The following OR52E5 variants were observed in gnomAD, a reference collection of about 807,000 sequenced individuals.
OR52E5 encodes olfactory receptor 52E5.
intron 2 of OR52E5, 120 bp from the exon 3 acceptor site, chr11:5,900,512 G>A: frequency 3.2e-6 from 1 of 310,400 alleles, no homozygotes. Flanking sequence ...AGGGAGGAAA[G>A]ACATGGGAAG....
At chr11:5,899,524 T>G (rs1241173894) in intron 2 of OR52E5, among the ~76,000 whole-genome samples, 1 of 152,198 alleles carries the variant, frequency 6.6e-6, no homozygotes, top group Non-Finnish European at 1.5e-5. Flanking sequence ...GGATAGTTTT[T>G]CTTTAGGATT....
rs559329315 is a variant in OR52E5, at chr11:5,901,055, G to T, written c.279G>T (p.Glu93Asp). ...GAATTTTCTGGTTTAATCTTGGAGA[G>T]ATTGCATTTGGTGCCTGCATCACAC... ...MLGIFWFNLGEIAFGACITQM... is the reference protein window; with the variant it reads ...MLGIFWFNLGDIAFGACITQM... The change falls in exon 3 of 3, where the codon GAG (glutamate) becomes GAT (aspartate). Residue 93 changes from glutamate to aspartate, a missense_variant. By Grantham distance (45) the Glu-to-Asp change is conservative. Transcript: ENST00000610445. The T allele has an allele frequency of 1.5e-5, 6 of 401,832 alleles. No individual in the cohort carries two copies. The highest frequency in any genetic ancestry group is 1.0e-4 in the African/African-American group (5 of 48,822). The allele number at this position is 401,832 out of a possible 1,614,324, so 24.9% of individuals were successfully genotyped here. A position where few individuals can be genotyped will look rare whatever the true frequency, so the allele number is the denominator to read the frequency against.
At chr11:5,894,383 A>C (rs770361004) in intron 1 of OR52E5, among the ~76,000 whole-genome samples, 3 of 152,178 alleles carry the variant, frequency 2.0e-5, no homozygotes, top group Non-Finnish European at 2.9e-5. Context: ...CTCATTTTGA[A>C]AACCGCTGAT....
chr11:5,897,522 A>G (rs1294475885), intron 2 of OR52E5, among the ~76,000 whole-genome samples: 1 of 152,164 alleles, frequency 6.6e-6, no homozygotes, highest in Non-Finnish European at 1.5e-5. Flanking sequence ...TATTTACCCA[A>G]TCTACCACTG....
At chr11:5,899,732 A>G (rs1847222983) in intron 2 of OR52E5, among the ~76,000 whole-genome samples, 1 of 152,098 alleles carries the variant, frequency 6.6e-6, no homozygotes. Context: ...ATTTGCACAC[A>G]CCCAAGCACC....
chr11:5,897,871 GTTCATTTT>G (rs1021657425), intron 2 of OR52E5, among the ~76,000 whole-genome samples: 2 of 151,868 alleles, frequency 1.3e-5, no homozygotes, highest in African/African-American at 4.8e-5. Flanking sequence ...TTGTCTGCTT[GTTCATTTT>G]TGAGCCAGAG....
intron 2 of OR52E5, among the ~76,000 whole-genome samples, chr11:5,898,729 T>C (rs942376674): frequency 6.6e-6 from 1 of 152,210 alleles, no homozygotes; most frequent in Non-Finnish European, 1.5e-5. Context: ...TTGTTGACTT[T>C]ACCAAAGATC....
intron 2 of OR52E5, among the ~76,000 whole-genome samples, chr11:5,896,245 CTAAAAAAAA>C (rs1188367197): frequency 1.3e-4 from 1 of 7,702 alleles, no homozygotes; most frequent in Non-Finnish European, 2.6e-4. Context: ...CTCGTCTCTA[CTAAAAAAAA>C]AAAAAAAAAA....
chr11:5,896,346 G>A (rs1482678859), intron 2 of OR52E5, among the ~76,000 whole-genome samples: 9 of 144,908 alleles, frequency 6.2e-5, no homozygotes, highest in Non-Finnish European at 1.0e-4. Context: ...GCGTGAACCC[G>A]AGAGGTGGAG....
chr11:5,894,493 T>C (rs888429857), intron 1 of OR52E5, among the ~76,000 whole-genome samples: 1 of 152,168 alleles, frequency 6.6e-6, no homozygotes, highest in African/African-American at 2.4e-5. Flanking sequence ...ATGTAGATTG[T>C]ATGTTAATAA....
chr11:5,898,275 C>T (rs566298579), intron 2 of OR52E5, among the ~76,000 whole-genome samples: 49 of 152,142 alleles, frequency 3.2e-4, no homozygotes, highest in South Asian at 1.2e-3. Flanking sequence ...CCTTTGCCCA[C>T]GTTTTAATTG....
chr11:5,901,864 C>G lies in OR52E5; in HGVS notation c.*104C>G. 2.5e-6 allele frequency: 1 copy of G among 399,164 alleles called. No homozygotes were observed. The highest frequency in any genetic ancestry group is 4.4e-6 in the Non-Finnish European group (1 of 225,606). 24.7% of individuals were successfully genotyped at this position (399,164 alleles called of 1,614,324 possible). A position where few individuals can be genotyped will look rare whatever the true frequency, so the allele number is the denominator to read the frequency against. ...TATCCCCTACAACGTCTCATGATTT[C>G]AGTACGGTCTGTTGGAAGTTATAGC... On this transcript the variant is annotated 3_prime_UTR_variant, in exon 3 of 3. Coordinates refer to ENST00000610445, the MANE Select transcript of OR52E5 (RefSeq NM_001005166.5).
intron 2 of OR52E5, among the ~76,000 whole-genome samples, chr11:5,899,102 C>A (rs1376829867): frequency 6.6e-6 from 1 of 152,022 alleles, no homozygotes; most frequent in African/African-American, 2.4e-5. Flanking sequence ...TCTGTGATTT[C>A]TTTCATTGGT....
chr11:5,900,126 A>T (rs534131129), intron 2 of OR52E5, among the ~76,000 whole-genome samples: 2 of 152,214 alleles, frequency 1.3e-5, no homozygotes, highest in South Asian at 4.1e-4. Context: ...GAAAGAAAAC[A>T]TAATATAGTG....
chr11:5,893,995 A>T (rs182920731), intron 1 of OR52E5, among the ~76,000 whole-genome samples: 70 of 152,266 alleles, frequency 4.6e-4, no homozygotes, highest in African/African-American at 1.6e-3. Flanking sequence ...GCCTTTCTCA[A>T]AAATCTTTCT....
intron 2 of OR52E5, among the ~76,000 whole-genome samples, chr11:5,898,910 C>G (rs1376190020): frequency 6.7e-6 from 1 of 149,476 alleles, no homozygotes; most frequent in Non-Finnish European, 1.5e-5. Context: ...TAGGATTGCT[C>G]TGTCTATTTG....
In OR52E5 at chr11:5,900,716, T is replaced by C; in HGVS notation, c.-61T>C. On this transcript the variant is annotated 5_prime_UTR_variant, in exon 3 of 3. Coordinates refer to ENST00000610445, the MANE Select transcript of OR52E5 (RefSeq NM_001005166.5). ...CACCATGCTGTGAAAGAAGTTATGG[T>C]TTCTCACTGGAAGCAAGAAAACTCA... 1 of 398,686 alleles carries C rather than the reference T, an allele frequency of 2.5e-6. No individual in the cohort carries two copies. The allele number at this position is 398,686 out of a possible 1,614,324, so 24.7% of individuals were successfully genotyped here.
chr11:5,899,004 T>C (rs1282760421), intron 2 of OR52E5, among the ~76,000 whole-genome samples: 2 of 152,212 alleles, frequency 1.3e-5, no homozygotes, highest in Admixed American at 6.5e-5. Context: ...AGGAATTTCA[T>C]AGAATCTGTA....
intron 2 of OR52E5, among the ~76,000 whole-genome samples, chr11:5,896,459 T>A (rs1213868434): frequency 6.6e-6 from 1 of 151,180 alleles, no homozygotes; most frequent in East Asian, 1.9e-4. Flanking sequence ...AGAAAAAATT[T>A]GAATGAAAAA....
Sources: gnomAD v4.1 joint callset for allele counts (sites outside exome capture counted in the v4.1 genomes callset) on GRCh38, gnomAD v4.1.1 for gene constraint, MANE v1.5 for transcripts, NCBI Gene and HGNC (gene_info 2026-07-23, HGNC 2026-07-21) for gene names.